E2F1: variants seen among roughly 807,000 people sequenced by gnomAD.
The protein encoded by E2F1 is E2F transcription factor 1.
In E2F1, 7 loss-of-function variants were observed where a neutral mutation model predicts 36.9. The observed-to-expected ratio is 0.19, with a 90% CI of 0.11 to 0.36. The LOEUF is 0.36. E2F1 is among the 10% of genes least tolerant of loss of function. The pLI, the probability that E2F1 is intolerant of heterozygous loss-of-function variation, is 1.00. For missense variants in E2F1, 406 were observed against 573.6 expected (o/e 0.71, Z 2.99); for synonymous variants, 261 against 263.1 (o/e 0.99, Z 0.08).
At chr20:33,677,637 G>T (rs2017977819) in intron 4 of E2F1, 97 bp from the exon 5 acceptor site, 1 of 904,138 alleles carries the variant, frequency 1.1e-6, no homozygotes, top group Admixed American at 2.3e-5. Flanking sequence ...AGTCACTCCT[G>T]TCCTCCCAAC....
At chr20:33,682,859 A>G (rs2018030351) in intron 1 of E2F1, among the ~76,000 whole-genome samples, 1 of 152,236 alleles carries the variant, frequency 6.6e-6, no homozygotes, top group Non-Finnish European at 1.5e-5. Context: ...ACAGACAAGC[A>G]AAACACTGTC....
rs1293612819 is a variant in E2F1, at chr20:33,679,751, C to T, written c.572+4G>A. On this transcript the variant is annotated splice_donor_region_variant and intron_variant, in intron 3 of 6. Transcript: ENST00000343380. The surrounding 1 kb of genome is among the most constrained non-coding windows in gnomAD (Gnocchi z 4.6). ...GCCTGCCCTCCTGTGTGGCCGGTACCTACAGCCACTGGATGTGGTTCTTGG... is the reference window on the plus strand; with the variant it reads ...GCCTGCCCTCCTGTGTGGCCGGTACTTACAGCCACTGGATGTGGTTCTTGG... The T allele has an allele frequency of 6.2e-7, 1 of 1,612,792 alleles. No homozygotes were observed. Among genetic ancestry groups the T allele is most frequent in the Non-Finnish European group, 8.5e-7 (1 of 1,179,918 alleles).
Position 33,676,436 on chromosome 20 carries a change from G to A in E2F1, c.*296C>T, listed in dbSNP as rs577240574. 1 of 360,152 alleles carries A rather than the reference G, an allele frequency of 2.8e-6. No individual in the cohort carries two copies. Among genetic ancestry groups the A allele is most frequent in the East Asian group, 5.1e-5 (1 of 19,458 alleles). 22.3% of individuals were successfully genotyped at this position (360,152 alleles called of 1,614,324 possible). ...CTGCAGTGCACACACAGAGGTGTAT[G>A]TTCACCTTCATTCCCCGGTACATGC... On this transcript the variant is annotated 3_prime_UTR_variant, in exon 7 of 7. Transcript: ENST00000343380.
At chr20:33,677,851 GT>G (rs2017979546) in intron 4 of E2F1, among the ~76,000 whole-genome samples, 1 of 152,180 alleles carries the variant, frequency 6.6e-6, no homozygotes, top group Non-Finnish European at 1.5e-5. Context: ...CTGGAGTGAT[GT>G]GGCTCAACCA....
At chr20:33,685,916 G>C in intron 1 of E2F1, 88 bp downstream of exon 1, 1 of 1,041,634 alleles carries the variant, frequency 9.6e-7, no homozygotes, top group African/African-American at 1.7e-5. Flanking sequence ...CCCGCCCCCT[G>C]CCGCCTCCAG....
At chr20:33,682,415 C>A (rs934509916) in intron 1 of E2F1, among the ~76,000 whole-genome samples, 2 of 152,160 alleles carry the variant, frequency 1.3e-5, no homozygotes, top group African/African-American at 4.8e-5. Context: ...GAGAGGTGGA[C>A]CCAGGACTTG....
At position 33,675,749 on chromosome 20, in the gene E2F1, G is replaced by T; in HGVS notation, c.*983C>A. The T allele has an allele frequency of 5.8e-6, 1 of 171,524 alleles. No individual in the cohort carries two copies. 10.6% of individuals were successfully genotyped at this position (171,524 alleles called of 1,614,324 possible). On this transcript the variant is annotated 3_prime_UTR_variant, in exon 7 of 7. Transcript: ENST00000343380. ...CAGAGCTGTTAGGAAGCAAATCAAAGTGCAGATTGGAGGGTGGGGCAGAGC... is the reference window on the plus strand; with the variant it reads ...CAGAGCTGTTAGGAAGCAAATCAAATTGCAGATTGGAGGGTGGGGCAGAGC...
At chr20:33,685,660 G>A (rs2018060698) in intron 1 of E2F1, among the ~76,000 whole-genome samples, 1 of 152,194 alleles carries the variant, frequency 6.6e-6, no homozygotes, top group East Asian at 1.9e-4. Flanking sequence ...TCACAGCGGG[G>A]TTGTGAGTTT....
rs2122542769 is a variant in E2F1, at chr20:33,677,305, T to C, written c.866A>G (p.Lys289Arg). ...CAGGAAAACATCGATCGGGCCTTGTTTGCTCTTAAGGGAGATCTGAAAGTT... is the reference window on the plus strand; with the variant it reads ...CAGGAAAACATCGATCGGGCCTTGTCTGCTCTTAAGGGAGATCTGAAAGTT... ...SENFQISLKS[K>R]QGPIDVFLCP... is the part of the protein sequence containing the mutation. Residue 289 changes from lysine to arginine, a missense_variant, in exon 6 of 7, where the codon AAA becomes AGA. Around this residue, in one of 5 missense-constraint regions of E2F1, gnomAD observed 93 missense variants for 143.3 expected, o/e 0.65. Transcript: ENST00000343380. 1 of 1,614,020 alleles carries C rather than the reference T, an allele frequency of 6.2e-7. No homozygotes were observed. The highest frequency in any genetic ancestry group is 2.2e-5 in the East Asian group (1 of 44,872).
chr20:33,685,922 TC>T, intron 1 of E2F1, 81 bp downstream of exon 1: 1 of 1,052,572 alleles, frequency 9.5e-7, no homozygotes. Flanking sequence ...CCCTGCCGCC[TC>T]CAGGCCAAAC....
chr20:33,686,354 C>T lies in E2F1; in HGVS notation c.-90G>A, dbSNP rs1769424599. ...GCCTCGGCGAGGGCTCGATCCCGCT[C>T]CGCCCCCGGCCGCCGCTGCCTGCAA... is the stretch of plus-strand genomic sequence containing the variant. On this transcript the variant is annotated 5_prime_UTR_variant, in exon 1 of 7. Transcript: ENST00000343380. 1.0e-6 allele frequency: 1 copy of T among 958,998 alleles called. No homozygotes were observed. The highest frequency in any genetic ancestry group is 1.2e-6 in the Non-Finnish European group (1 of 805,274). The allele number at this position is 958,998 out of a possible 1,614,324, so 59.4% of individuals were successfully genotyped here.
Position 33,676,935 on chromosome 20 carries a change from C to T in E2F1, c.1111G>A (p.Glu371Lys), listed in dbSNP as rs373587139. The T allele has an allele frequency of 4.3e-5, 67 of 1,563,876 alleles. No individual in the cohort carries two copies. Among genetic ancestry groups the T allele is most frequent in the Non-Finnish European group, 5.6e-5 (64 of 1,152,308 alleles). The change falls in exon 7 of 7, where the codon GAG becomes AAG. Residue 371 changes from glutamate (E) to lysine (K), a missense_variant. Physicochemically the swap from Glu to Lys is moderately conservative, Grantham distance 56 (BLOSUM62 1). Around this residue, in one of 5 missense-constraint regions of E2F1, gnomAD observed 163 missense variants for 181.5 expected, o/e 0.90. Coordinates refer to ENST00000343380, the MANE Select transcript of E2F1 (RefSeq NM_005225.3). The part of the protein sequence containing the change: ...RMGSLRAPVD[E>K]DRLSPLVAAD... ...GCCACCAGCGGGGACAGGCGGTCCT[C>T]GTCCACGGGAGCCCGCAGGCTGCCC...
chr20:33,684,293 G>A (rs551476697), intron 1 of E2F1, among the ~76,000 whole-genome samples: 10 of 152,138 alleles, frequency 6.6e-5, no homozygotes, highest in Non-Finnish European at 1.5e-4. Context: ...CTTCTATAAT[G>A]CTTGTCACAC....
intron 1 of E2F1, among the ~76,000 whole-genome samples, chr20:33,682,679 G>A (rs2018028619): frequency 1.3e-5 from 2 of 152,202 alleles, no homozygotes; most frequent in African/African-American, 2.4e-5. Context: ...GATAAACACT[G>A]GCAGAGGGGC....
At chr20:33,677,863 G>C (rs1320562988) in intron 4 of E2F1, among the ~76,000 whole-genome samples, 3 of 152,094 alleles carry the variant, frequency 2.0e-5, no homozygotes, top group African/African-American at 7.2e-5. Flanking sequence ...GGCTCAACCA[G>C]AGCTCACTGC....
chr20:33,681,615 T>A (rs927662259), intron 1 of E2F1, among the ~76,000 whole-genome samples: 1 of 152,090 alleles, frequency 6.6e-6, no homozygotes, highest in Non-Finnish European at 1.5e-5. Context: ...CACTCCAGGA[T>A]TGGGACTGTC....
intron 1 of E2F1, among the ~76,000 whole-genome samples, chr20:33,682,242 G>T (rs1320175746): frequency 3.9e-5 from 6 of 152,140 alleles, no homozygotes; most frequent in African/African-American, 1.4e-4. Flanking sequence ...CCATGCTGAT[G>T]AACCACTCCC....
Position 33,676,788 on chromosome 20 carries a change from C to T in E2F1, c.1258G>A (p.Gly420Ser). 6.2e-7 allele frequency: 1 copy of T among 1,604,354 alleles called. No individual in the cohort carries two copies. The highest frequency in any genetic ancestry group is 2.3e-5 in the East Asian group (1 of 44,312). ...DYHFGLEEGE[G>S]IRDLFDCDFG... Reference sequence around the variant, plus strand: ...TCACAGTCGAAGAGGTCTCTGATGCCCTCGCCCTCCTCGAGGCCGAAGTGG... The same window carrying T: ...TCACAGTCGAAGAGGTCTCTGATGCTCTCGCCCTCCTCGAGGCCGAAGTGG... The change falls in exon 7 of 7, where the codon GGC becomes AGC. Residue 420 changes from glycine (G) to serine (S), a missense_variant. Gly to Ser is a moderately conservative substitution (Grantham distance 56, BLOSUM62 0). Around this residue, in one of 5 missense-constraint regions of E2F1, gnomAD observed 163 missense variants for 181.5 expected, o/e 0.90. Transcript: ENST00000343380.
intron 1 of E2F1, among the ~76,000 whole-genome samples, 163 bp downstream of exon 1, chr20:33,685,841 G>A (rs2018062585): frequency 6.6e-6 from 1 of 152,170 alleles, no homozygotes; most frequent in Admixed American, 6.5e-5. Flanking sequence ...GCACCCCAGG[G>A]CGGGGCCCGG....
Sources: allele counts gnomAD v4.1 joint callset (sites outside exome capture counted in the v4.1 genomes callset), GRCh38; gene constraint gnomAD v4.1.1; regional missense constraint gnomAD v4.1.1; non-coding constraint Gnocchi (gnomAD v3.1); transcripts MANE v1.5; gene names NCBI Gene and HGNC (gene_info 2026-07-23, HGNC 2026-07-21).